SPOCK3: variants seen among roughly 807,000 people sequenced by gnomAD.
The protein encoded by SPOCK3 is testican-3.
A neutral mutation model predicts 56.6 loss-of-function variants in SPOCK3; 30 were observed. That is an observed-to-expected ratio of 0.53 (90% CI 0.40 to 0.72). SPOCK3 has a LOEUF of 0.72. Among genes scored for constraint, SPOCK3 ranks in the 30% least tolerant of loss-of-function variants. SPOCK3 has a pLI of 0.00. For missense variants in SPOCK3, 527 were observed against 530.0 expected, an observed-to-expected ratio of 0.99 and a Z score of 0.06; for synonymous variants, 196 against 183.3, an observed-to-expected ratio of 1.07 and a Z score of -0.56.
At chr4:167,122,240 TG>T (rs1761934378) in intron 2 of SPOCK3, among the ~76,000 whole-genome samples, 1 of 152,028 alleles carries the variant, frequency 6.6e-6, no homozygotes, top group African/African-American at 2.4e-5. Context: ...CCTACAGATT[TG>T]GCTTCCCTGG....
intron 4 of SPOCK3, among the ~76,000 whole-genome samples, chr4:166,926,520 T>C (rs887273461): frequency 1.9e-4 from 28 of 150,792 alleles, no homozygotes; most frequent in Admixed American, 1.9e-3. Context: ...TTTTTGCTGT[T>C]GTTGTTTTTG....
Position 166,753,254 on chromosome 4 carries a change from G to A in SPOCK3, c.931+1254C>T, listed in dbSNP as rs148366634. Among the ~76,000 whole-genome samples, 370 of 152,002 alleles carry A rather than the reference G, an allele frequency of 2.4e-3. 3 individuals are homozygous for A. Among genetic ancestry groups the A allele is most frequent in the African/African-American group, 8.3e-3 (344 of 41,506 alleles). Reference sequence around the variant, plus strand: ...TCATAAGAAAAGAGTACATGACTACGTGTATTTTTCTGGCAGTTTAGCTGG... The same window carrying A: ...TCATAAGAAAAGAGTACATGACTACATGTATTTTTCTGGCAGTTTAGCTGG... On this transcript the variant is annotated intron_variant, in intron 8 of 10. Coordinates refer to ENST00000357545, the MANE Select transcript of SPOCK3 (RefSeq NM_001040159.2).
chr4:167,066,972 C>A (rs1756209164), intron 2 of SPOCK3, among the ~76,000 whole-genome samples: 1 of 151,758 alleles, frequency 6.6e-6, no homozygotes, highest in African/African-American at 2.4e-5. Context: ...GTCCACACAG[C>A]TACATCTGTA....
chr4:167,070,779 G>A (rs62352392), intron 2 of SPOCK3, among the ~76,000 whole-genome samples: 25,955 of 151,878 alleles, frequency 0.17, 2,687 homozygotes, highest in Admixed American at 0.26. Context: ...AAACTTTCCT[G>A]TGTAGAAATA....
chr4:166,740,504 TATTATTATTATTATTATTATTATTATC>T (rs1734720541), intron 9 of SPOCK3, among the ~76,000 whole-genome samples: 1 of 73,804 alleles, frequency 1.4e-5, no homozygotes, highest in African/African-American at 6.0e-5. Flanking sequence ...TTATTATTAT[TATTATTATTATTATTATTATTATTATC>T]ATTATTATTT....
chr4:167,072,534 T>C (rs1756781541), intron 2 of SPOCK3, among the ~76,000 whole-genome samples: 1 of 151,988 alleles, frequency 6.6e-6, no homozygotes, highest in South Asian at 2.1e-4. Context: ...CTTCTCTATT[T>C]CCATGTAGGA....
rs181072370 is a variant in SPOCK3, at chr4:167,099,926, A to C, written c.190-37389T>G. On this transcript the variant is annotated intron_variant, in intron 2 of 10. Transcript: ENST00000357545. ...TTTCAAAATTGAAGTATAATTTGAC[A>C]CATTAATTTCTTTCTTCATGACAAT... Among the ~76,000 whole-genome samples the C allele has an allele frequency of 4.3e-3, 658 of 152,266 alleles. 2 individuals carry two copies. The highest frequency in any genetic ancestry group is 8.7e-3 in the South Asian group (42 of 4,832).
intron 6 of SPOCK3, among the ~76,000 whole-genome samples, chr4:166,794,489 T>C (rs1386183581): frequency 6.6e-6 from 1 of 152,084 alleles, no homozygotes; most frequent in Non-Finnish European, 1.5e-5. Flanking sequence ...ATTTTTACCA[T>C]TCATCTCTTT....
At chr4:166,969,537 C>A (rs1435028050) in intron 4 of SPOCK3, among the ~76,000 whole-genome samples, 2 of 119,836 alleles carry the variant, frequency 1.7e-5, no homozygotes, top group Non-Finnish European at 3.4e-5. Context: ...ACACTTTTAA[C>A]ACATTAAATG....
At chr4:166,977,254 G>A (rs1465506985) in intron 4 of SPOCK3, among the ~76,000 whole-genome samples, 1 of 152,018 alleles carries the variant, frequency 6.6e-6, no homozygotes, top group African/African-American at 2.4e-5. Flanking sequence ...AGATGTACAA[G>A]TTAGAGATTG....
intron 2 of SPOCK3, among the ~76,000 whole-genome samples, chr4:167,210,610 TTAAC>T (rs1248667058): frequency 5.3e-5 from 8 of 151,008 alleles, no homozygotes; most frequent in African/African-American, 2.0e-4. Flanking sequence ...AAGAAGGACT[TTAAC>T]TTTATATAGA....
chr4:166,827,763 G>A (rs1317382159), intron 6 of SPOCK3, among the ~76,000 whole-genome samples: 1 of 151,038 alleles, frequency 6.6e-6, no homozygotes, highest in Non-Finnish European at 1.5e-5. Context: ...ATACATTACA[G>A]CATTTTGCAC....
chr4:166,734,887 A>G lies in SPOCK3; in HGVS notation c.*34T>C. 1 of 1,445,306 alleles carries G rather than the reference A, an allele frequency of 6.9e-7. No individual in the cohort carries two copies. Among genetic ancestry groups the G allele is most frequent in the African/African-American group, 1.4e-5 (1 of 69,812 alleles). The allele number at this position is 1,445,306 out of a possible 1,614,324, so 89.5% of individuals were successfully genotyped here. A position where few individuals can be genotyped will look rare whatever the true frequency, so the allele number is the denominator to read the frequency against. On this transcript the variant is annotated 3_prime_UTR_variant, in exon 11 of 11. Coordinates refer to ENST00000357545, the MANE Select transcript of SPOCK3 (RefSeq NM_001040159.2). ...AGGCTATCATTTTTGTAAATATTAG[A>G]AATGTAGAATTTATTGATTTCAACT... is the stretch of plus-strand genomic sequence containing the variant.
intron 3 of SPOCK3, among the ~76,000 whole-genome samples, chr4:167,051,969 G>A (rs920716344): frequency 3.9e-5 from 6 of 152,114 alleles, no homozygotes; most frequent in Non-Finnish European, 8.8e-5. Flanking sequence ...ATAAGGAAAC[G>A]GAAAATAGAT....
At chr4:166,819,228 G>A (rs933709177) in intron 6 of SPOCK3, among the ~76,000 whole-genome samples, 8 of 152,010 alleles carry the variant, frequency 5.3e-5, no homozygotes, top group Non-Finnish European at 1.2e-4. Context: ...TCCTCAATCT[G>A]ACAAAGGGCA....
At chr4:167,109,466 TTATAA>T (rs1336207142) in intron 2 of SPOCK3, among the ~76,000 whole-genome samples, 19 of 103,794 alleles carry the variant, frequency 1.8e-4, no homozygotes, top group African/African-American at 3.2e-4. Context: ...ACATATATAG[TTATAA>T]TATATTTATA....
chr4:166,981,682 G>A (rs762881582), intron 4 of SPOCK3, among the ~76,000 whole-genome samples: 5 of 152,144 alleles, frequency 3.3e-5, no homozygotes, highest in African/African-American at 4.8e-5. Flanking sequence ...TCTGGCTCCC[G>A]GGCTTCAGGT....
rs566019279 is a variant in SPOCK3 at position 167,075,593 on chromosome 4, C to T, written c.190-13056G>A. 5.9e-5 allele frequency among the ~76,000 whole-genome samples: 9 copies of T among 152,022 alleles called. No individual in the cohort carries two copies. In the South Asian group the frequency reaches 1.9e-3, roughly 32 times the overall value. ...ATAGCTGGGAAAAGTACACTTAAAT[C>T]ATTTTTGCTTATGGTAAAGGGAGAT... On this transcript the variant is annotated intron_variant, in intron 2 of 10. Transcript: ENST00000357545.
chr4:166,915,553 G>A (rs192373519), intron 4 of SPOCK3, among the ~76,000 whole-genome samples: 10 of 152,058 alleles, frequency 6.6e-5, no homozygotes, highest in Admixed American at 4.6e-4. Flanking sequence ...GTTGTTGGTC[G>A]GTTTTTAATT....
Sources: allele counts gnomAD v4.1 joint callset (sites outside exome capture counted in the v4.1 genomes callset), GRCh38; gene constraint gnomAD v4.1.1; transcripts MANE v1.5; gene names NCBI Gene and HGNC (gene_info 2026-07-23, HGNC 2026-07-21).